The following SLITRK3 variants were observed in gnomAD, a reference collection of about 807,000 sequenced individuals.
SLITRK3 encodes the protein SLIT and NTRK-like protein 3.
A neutral mutation model predicts 63.6 loss-of-function variants in SLITRK3; 16 were observed. That is an observed-to-expected ratio of 0.25 (90% CI 0.17 to 0.38). The LOEUF (loss-of-function observed/expected upper bound fraction) is 0.38, where lower values mean the gene tolerates loss of function less well. SLITRK3 is among the 10% of genes least tolerant of loss of function. SLITRK3 has a pLI of 1.00. For synonymous variants in SLITRK3, 547 were observed against 451.6 expected, an observed-to-expected ratio of 1.21 and a Z score of -2.68; for missense variants, 1,117 against 1,181.4, an observed-to-expected ratio of 0.95 and a Z score of 0.80.
chr3:165,192,459 G>A (rs1560055712), intron 1 of SLITRK3, among the ~76,000 whole-genome samples: 1 of 151,496 alleles, frequency 6.6e-6, no homozygotes, highest in Non-Finnish European at 1.5e-5. Flanking sequence ...GGTCCCTATG[G>A]TTTAGGCAAA....
At chr3:165,191,026 C>T (rs1718204956) in intron 1 of SLITRK3, among the ~76,000 whole-genome samples, 175 bp from the exon 2 acceptor site, 1 of 152,174 alleles carries the variant, frequency 6.6e-6, no homozygotes, top group Non-Finnish European at 1.5e-5. Context: ...ATATTTTAAA[C>T]TTAGGAGACT....
chr3:165,187,357 G>T lies in SLITRK3; in HGVS notation c.*540C>A, dbSNP rs561907030. 2 of 134,136 alleles carry T rather than the reference G, an allele frequency of 1.5e-5. No individual in the cohort carries two copies. Among genetic ancestry groups the T allele is most frequent in the African/African-American group, 2.8e-5 (1 of 35,656 alleles). 8.3% of individuals were successfully genotyped at this position (134,136 alleles called of 1,614,324 possible). A position where few individuals can be genotyped will look rare whatever the true frequency, so the allele number is the denominator to read the frequency against. On this transcript the variant is annotated 3_prime_UTR_variant, in exon 2 of 2. Transcript: ENST00000475390. ...GAGTGAGAACATTCGAGCAAGACCCGCCCCCTCCCTCCCCATCTTGCAGTT... is the reference window on the plus strand; with the variant it reads ...GAGTGAGAACATTCGAGCAAGACCCTCCCCCTCCCTCCCCATCTTGCAGTT...
intron 1 of SLITRK3, 41 bp from the exon 2 acceptor site, chr3:165,190,892 A>T (rs768097493): frequency 4.9e-5 from 70 of 1,420,714 alleles, no homozygotes; most frequent in Admixed American, 1.0e-4. Flanking sequence ...GCTTTTAGTC[A>T]TATGTACTAT....
chr3:165,189,445 G>A lies in SLITRK3; in HGVS notation c.1386C>T (p.Phe462=). Residue 462 remains phenylalanine, a synonymous_variant, in exon 2 of 2, where the codon TTC becomes TTT. Transcript: ENST00000475390. The surrounding 1 kb of genome is among the most constrained non-coding windows in gnomAD (Gnocchi z 4.0). The stretch of plus-strand genomic sequence containing the variant: ...GCTTCTCTATATCGTTGCCATTAAG[G>A]AAGAGGCTCTTTAAGTTGGGCAAGT... ...FINLPNLKSL[F]LNGNDIEKLT... 2 of 1,613,248 alleles carry A rather than the reference G, an allele frequency of 1.2e-6. No homozygotes were observed. The highest frequency in any genetic ancestry group is 1.6e-4 in the Middle Eastern group (1 of 6,062).
At chr3:165,196,455 A>C (rs1224110424), upstream of SLITRK3, 1 of 109,396 alleles carries the variant, frequency 9.1e-6, no homozygotes, top group Non-Finnish European at 2.0e-5. Context: ...TGGGAGGGGG[A>C]GGGGACTGCT....
In SLITRK3 at chr3:165,188,773, C is replaced by T; in HGVS notation, c.2058G>A (p.Leu686=). The change falls in exon 2 of 2, where the codon CTG becomes CTA. Residue 686 remains leucine (L), a synonymous_variant. Transcript: ENST00000475390. ...AYVLRRRRKK[L]PFRSKRQEGV... is the part of the protein sequence containing the mutation. ...CTTCCTGCCGCTTGCTTCTGAAGGG[C>T]AGCTTCTTTCGACGCCTTCGGAGCA... 6 of 1,614,180 alleles carry T rather than the reference C, an allele frequency of 3.7e-6. No homozygotes were observed. Among genetic ancestry groups the T allele is most frequent in the South Asian group, 1.1e-5 (1 of 91,082 alleles).
chr3:165,191,333 T>C (rs927250835), intron 1 of SLITRK3, among the ~76,000 whole-genome samples: 6 of 152,214 alleles, frequency 3.9e-5, no homozygotes, highest in Non-Finnish European at 7.3e-5. Context: ...TAAAAAGACA[T>C]GATATACTCC....
rs772776583 is a variant in SLITRK3, at chr3:165,190,394, A to G, written c.437T>C (p.Leu146Pro). The G allele has an allele frequency of 6.2e-7, 1 of 1,614,094 alleles. No homozygotes were observed. Among genetic ancestry groups the G allele is most frequent in the South Asian group, 1.1e-5 (1 of 91,084 alleles). ...CAGATATTCTAGACTTTCCAAGCCA[A>G]GGAAGGTGTCATTTCTGAAGACATC... Reference protein sequence around the residue: ...KLDVFRNDTFLGLESLEYLQA... With the variant: ...KLDVFRNDTFPGLESLEYLQA... The change falls in exon 2 of 2, where the codon CTT becomes CCT. Residue 146 changes from leucine (L) to proline (P), a missense_variant. Leu to Pro is a moderately conservative substitution (Grantham distance 98, BLOSUM62 -3). This residue lies in a region of SLITRK3 where 452 missense variants were observed against 495.3 expected (regional missense o/e 0.91). Transcript: ENST00000475390.
Position 165,195,793 on chromosome 3 carries a change from C to G in SLITRK3, c.-235G>C, listed in dbSNP as rs2108212625. ...GAGACTTGCAGGGAAATGGTCGCTGCATACCAATGGGAGAGCGGGGCGCGC... is the reference window on the plus strand; with the variant it reads ...GAGACTTGCAGGGAAATGGTCGCTGGATACCAATGGGAGAGCGGGGCGCGC... On this transcript the variant is annotated 5_prime_UTR_variant, in exon 1 of 2. The change abolishes an upstream ATG in the 5' untranslated region. Coordinates refer to ENST00000475390, the MANE Select transcript of SLITRK3 (RefSeq NM_001318810.2). 1 of 152,840 alleles carries G rather than the reference C, an allele frequency of 6.5e-6. No homozygotes were observed. Among genetic ancestry groups the G allele is most frequent in the East Asian group, 1.9e-4 (1 of 5,170 alleles). 9.5% of individuals were successfully genotyped at this position (152,840 alleles called of 1,614,324 possible).
chr3:165,188,783 C>G lies in SLITRK3; in HGVS notation c.2048G>C (p.Arg683Pro). The G allele has an allele frequency of 1.2e-6, 2 of 1,614,182 alleles. No homozygotes were observed. Among genetic ancestry groups the G allele is most frequent in the Non-Finnish European group, 1.7e-6 (2 of 1,180,042 alleles). The change falls in exon 2 of 2, where the codon CGA becomes CCA. Residue 683 changes from arginine (R) to proline (P), a missense_variant. Arg to Pro is a moderately radical substitution (Grantham distance 103). Transcript: ENST00000475390. ...CTTGCTTCTGAAGGGCAGCTTCTTT[C>G]GACGCCTTCGGAGCACGTAGGCAAA... is the stretch of plus-strand genomic sequence containing the variant. ...GLFAYVLRRR[R>P]KKLPFRSKRQ... is the part of the protein sequence containing the mutation.
Position 165,189,143 on chromosome 3 carries a change from G to A in SLITRK3, c.1688C>T (p.Pro563Leu). The A allele has an allele frequency of 6.2e-7, 1 of 1,614,174 alleles. No individual in the cohort carries two copies. The highest frequency in any genetic ancestry group is 1.3e-5 in the African/African-American group (1 of 75,036). The stretch of plus-strand genomic sequence containing the variant: ...GACCAGGTCACAGGTGCAGTCCCAA[G>A]GATTCTCATTGAGGTCTATCTGGAC... ...AIVQIDLNEN[P>L]WDCTCDLVPF... Residue 563 changes from proline (P) to leucine (L), a missense_variant, in exon 2 of 2, where the codon CCT becomes CTT. Transcript: ENST00000475390. This position sits in a 1 kb window ranked among gnomAD's most constrained non-coding sequence, Gnocchi z 4.0.
In SLITRK3 at chr3:165,189,495, A is replaced by C; in HGVS notation, c.1336T>G (p.Tyr446Asp). The change falls in exon 2 of 2, where the codon TAT (tyrosine) becomes GAT (aspartate). Residue 446 changes from tyrosine (Y) to aspartate (D), a missense_variant. Coordinates refer to ENST00000475390, the MANE Select transcript of SLITRK3 (RefSeq NM_001318810.2). This position sits in a 1 kb window ranked among gnomAD's most constrained non-coding sequence, Gnocchi z 4.0. ...LLHLGNNRIS[Y>D]VQDGAFINLP... ...TTGATAAAGGCCCCATCTTGGACAT[A>C]GGAAATACGATTGTTCCCCAGATGC... The C allele has an allele frequency of 1.2e-6, 2 of 1,613,792 alleles. No homozygotes were observed. The highest frequency in any genetic ancestry group is 1.7e-6 in the Non-Finnish European group (2 of 1,180,030).
At position 165,190,248 on chromosome 3, in the gene SLITRK3, C is replaced by A. The variant is rs372187907; in HGVS notation, c.583G>T (p.Ala195Ser). 5.0e-6 allele frequency: 8 copies of A among 1,614,108 alleles called. No homozygotes were observed. In the East Asian group the frequency reaches 8.9e-5, roughly 18 times the overall value. ...IPMLPTNLFK[A>S]VSLTHLDLRG... is the part of the protein sequence containing the mutation. Reference sequence around the variant, plus strand: ...AGGTCCAAATGGGTTAAAGAGACAGCCTTAAATAAATTGGTTGGAAGCATG... The same window carrying A: ...AGGTCCAAATGGGTTAAAGAGACAGACTTAAATAAATTGGTTGGAAGCATG... The change falls in exon 2 of 2, where the codon GCT (alanine) becomes TCT (serine). Residue 195 changes from alanine to serine, a missense_variant. This residue lies in a region of SLITRK3 where 452 missense variants were observed against 495.3 expected (regional missense o/e 0.91). Transcript: ENST00000475390.
chr3:165,188,423 T>G lies in SLITRK3; in HGVS notation c.2408A>C (p.Glu803Ala). 6.2e-7 allele frequency: 1 copy of G among 1,613,984 alleles called. No individual in the cohort carries two copies. Among genetic ancestry groups the G allele is most frequent in the Non-Finnish European group, 8.5e-7 (1 of 1,179,978 alleles). Residue 803 changes from glutamate to alanine, a missense_variant, in exon 2 of 2, where the codon GAG becomes GCG. This residue lies in a region of SLITRK3 where 499 missense variants were observed against 463.6 expected (regional missense o/e 1.08). Coordinates refer to ENST00000475390, the MANE Select transcript of SLITRK3 (RefSeq NM_001318810.2). ...CAAGGTCCGGTAGTTACTATGGTTC[T>G]CCTTGGGTGTCTCAGCAAACTGCTC... ...GSEQFAETPK[E>A]NHSNYRTLLE... is the part of the protein sequence containing the mutation.
chr3:165,196,909 C>CTCTCTCTCTCTCTCTCTG (rs1560057610), upstream of SLITRK3: 16 of 145,320 alleles, frequency 1.1e-4, no homozygotes, highest in African/African-American at 4.1e-4. Context: ...CTCTCTCTCT[C>CTCTCTCTCTCTCTCTCTG]TCTCTCTCTC....
Position 165,187,840 on chromosome 3 carries a change from T to C in SLITRK3, c.*57A>G, listed in dbSNP as rs552983236. ...GTAAAGGGAGCAAGGGATATATTTCTTTTATTTTCCTTTTCTTTTGAAAAA... is the reference window on the plus strand; with the variant it reads ...GTAAAGGGAGCAAGGGATATATTTCCTTTATTTTCCTTTTCTTTTGAAAAA... On this transcript the variant is annotated 3_prime_UTR_variant, in exon 2 of 2. Coordinates refer to ENST00000475390, the MANE Select transcript of SLITRK3 (RefSeq NM_001318810.2). 1 of 1,416,020 alleles carries C rather than the reference T, an allele frequency of 7.1e-7. No individual in the cohort carries two copies. Among genetic ancestry groups the C allele is most frequent in the Admixed American group, 2.2e-5 (1 of 46,102 alleles). The allele number at this position is 1,416,020 out of a possible 1,614,324, so 87.7% of individuals were successfully genotyped here. A position where few individuals can be genotyped will look rare whatever the true frequency, so the allele number is the denominator to read the frequency against.
chr3:165,193,484 A>G (rs981635726), intron 1 of SLITRK3, among the ~76,000 whole-genome samples: 4 of 150,472 alleles, frequency 2.7e-5, no homozygotes, highest in African/African-American at 7.3e-5. Context: ...CAGGTCCCCA[A>G]AGCAGAAAAG....
chr3:165,196,421 G>T (rs909045140), upstream of SLITRK3, among the ~76,000 whole-genome samples: 1 of 146,722 alleles, frequency 6.8e-6, no homozygotes, highest in South Asian at 2.4e-4. Context: ...CTTCTCGAGC[G>T]GGAGAAGGTG....
intron 1 of SLITRK3, among the ~76,000 whole-genome samples, chr3:165,192,654 A>C (rs549984525): frequency 9.9e-5 from 15 of 151,542 alleles, no homozygotes; most frequent in African/African-American, 2.7e-4. Context: ...AAGCTGAAGC[A>C]AAAGGGGATA....
Sources: gnomAD v4.1 joint callset for allele counts (sites outside exome capture counted in the v4.1 genomes callset) on GRCh38, gnomAD v4.1.1 for gene constraint, gnomAD v4.1.1 regional missense constraint, Gnocchi (gnomAD v3.1) non-coding constraint, MANE v1.5 for transcripts, NCBI Gene and HGNC (gene_info 2026-07-23, HGNC 2026-07-21) for gene names.